The following PPP1R13B variants were observed in gnomAD, a reference collection of about 807,000 sequenced individuals.
PPP1R13B encodes protein phosphatase 1 regulatory subunit 13B.
A neutral mutation model predicts 119.8 loss-of-function variants in PPP1R13B; 44 were observed. That is an observed-to-expected ratio of 0.37 (90% CI 0.29 to 0.47). The LOEUF (loss-of-function observed/expected upper bound fraction) is 0.47, where lower values mean the gene tolerates loss of function less well. Ranked by LOEUF, PPP1R13B falls within the 20% of genes least tolerant of loss-of-function variation. The pLI is 0.99. For synonymous variants in PPP1R13B, 542 were observed against 561.5 expected, an observed-to-expected ratio of 0.97 and a Z score of 0.49; for missense variants, 1,227 against 1,413.5, an observed-to-expected ratio of 0.87 and a Z score of 2.12.
chr14:103,814,870 G>A (rs991864314), intron 1 of PPP1R13B, among the ~76,000 whole-genome samples: 5 of 151,982 alleles, frequency 3.3e-5, no homozygotes, highest in African/African-American at 7.2e-5. Flanking sequence ...GTGTGAACCC[G>A]GGAGGTGGAG....
chr14:103,795,371 C>T (rs1290059954), intron 2 of PPP1R13B, among the ~76,000 whole-genome samples: 1 of 152,156 alleles, frequency 6.6e-6, no homozygotes, highest in Admixed American at 6.6e-5. Context: ...TTCTAGACAA[C>T]GAAGGAGCAT....
chr14:103,821,512 G>A (rs2086406758), intron 1 of PPP1R13B, among the ~76,000 whole-genome samples: 1 of 152,196 alleles, frequency 6.6e-6, no homozygotes, highest in Admixed American at 6.5e-5. Flanking sequence ...AGCACTTTGG[G>A]AGGCTGAGGT....
At chr14:103,761,688 AGGAGGC>A (rs2084809638) in intron 4 of PPP1R13B, among the ~76,000 whole-genome samples, 1 of 151,548 alleles carries the variant, frequency 6.6e-6, no homozygotes, top group African/African-American at 2.4e-5. Context: ...GCTTGAACCC[AGGAGGC>A]GGAAGTTGCA....
chr14:103,750,075 T>C (rs1363502656), intron 7 of PPP1R13B, 141 bp from the exon 8 acceptor site: 3 of 869,626 alleles, frequency 3.4e-6, no homozygotes, highest in South Asian at 1.7e-5. Flanking sequence ...GTGTGGAATA[T>C]TTCACAGGTA....
Position 103,806,561 on chromosome 14 carries a change from T to A in PPP1R13B, c.10-9043A>T, listed in dbSNP as rs145882129. On this transcript the variant is annotated intron_variant, in intron 1 of 16. Transcript: ENST00000202556. ...CAGGCCACGCACCCCAAAATGAGAA[T>A]TGATGCTAAGGTCCCTTCTGGCCCT... Among the ~76,000 whole-genome samples the A allele has an allele frequency of 9.7e-4, 148 of 152,250 alleles. 3 individuals are homozygous for A. The East Asian group carries it at 0.021, about 22-fold the overall frequency.
Position 103,735,149 on chromosome 14 carries a change from G to T in PPP1R13B, c.*5C>A. ...GCAAGACCATGCGGTGCTCCAAAAG[G>T]AAGTTCAGGCGAGTGTTCGCTGTCG... is the stretch of plus-strand genomic sequence containing the variant. On this transcript the variant is annotated 3_prime_UTR_variant, in exon 17 of 17. Coordinates refer to ENST00000202556, the MANE Select transcript of PPP1R13B (RefSeq NM_015316.3). 1 of 1,614,168 alleles carries T rather than the reference G, an allele frequency of 6.2e-7. No individual in the cohort carries two copies. The highest frequency in any genetic ancestry group is 8.5e-7 in the Non-Finnish European group (1 of 1,180,008).
In PPP1R13B at chr14:103,753,136, G is replaced by A; in HGVS notation, c.692C>T (p.Ala231Val). ...ACTAAGCTGATCAACCCTTAAAATTGCAGTCTGTACTTCCTGCTTCTTTTC... is the reference window on the plus strand; with the variant it reads ...ACTAAGCTGATCAACCCTTAAAATTACAGTCTGTACTTCCTGCTTCTTTTC... Reference protein sequence around the residue: ...FQEKKQEVQTAILRVDQLSQQ... With the variant: ...FQEKKQEVQTVILRVDQLSQQ... The change falls in exon 7 of 17, where the codon GCA becomes GTA. Residue 231 changes from alanine to valine, a missense_variant. Coordinates refer to ENST00000202556, the MANE Select transcript of PPP1R13B (RefSeq NM_015316.3). 4 of 1,613,518 alleles carry A rather than the reference G, an allele frequency of 2.5e-6. No individual in the cohort carries two copies. Among genetic ancestry groups the A allele is most frequent in the Non-Finnish European group, 3.4e-6 (4 of 1,180,022 alleles).
At chr14:103,840,206 T>A (rs2086870844) in intron 1 of PPP1R13B, 1 of 152,206 alleles carries the variant, frequency 6.6e-6, no homozygotes, top group Non-Finnish European at 1.5e-5. Context: ...AACCACAGTT[T>A]GTGAAATAAC....
At chr14:103,800,099 T>C (rs2085863144) in intron 1 of PPP1R13B, among the ~76,000 whole-genome samples, 2 of 152,024 alleles carry the variant, frequency 1.3e-5, no homozygotes, top group African/African-American at 4.8e-5. Flanking sequence ...AAGTAAAATT[T>C]AAACCAAAGA....
chr14:103,835,604 T>A (rs1567161581), intron 1 of PPP1R13B, among the ~76,000 whole-genome samples: 1 of 134,928 alleles, frequency 7.4e-6, no homozygotes, highest in Non-Finnish European at 1.6e-5. Context: ...TAATTTTTAT[T>A]TTTATTTATT....
chr14:103,782,930 G>A (rs188873847), intron 3 of PPP1R13B, among the ~76,000 whole-genome samples: 3 of 151,720 alleles, frequency 2.0e-5, no homozygotes, highest in Non-Finnish European at 2.9e-5. Context: ...TCGGCCCCCC[G>A]AGTAGCTGGG....
chr14:103,766,773 A>T lies in PPP1R13B; in HGVS notation c.355-9022T>A, dbSNP rs367971135. Among the ~76,000 whole-genome samples the T allele has an allele frequency of 1.3e-4, 20 of 152,128 alleles. No individual in the cohort carries two copies. The East Asian group carries it at 3.3e-3, about 25-fold the overall frequency. On this transcript the variant is annotated intron_variant, in intron 4 of 16. Transcript: ENST00000202556. ...CAAGTGCGTGCCATCACGCCCAGCT[A>T]ATTTTTGTATTTTTAGTAGAGATGG...
In PPP1R13B at chr14:103,847,283, G is replaced by A; in HGVS notation, c.9+16C>T. On this transcript the variant is annotated intron_variant, in intron 1 of 16. Transcript: ENST00000202556. ...GCGGAGGAAGCCGCCGCCACCTCCC[G>A]CCCGCCCTCACCCACCGGCATCATC... The A allele has an allele frequency of 2.3e-6, 1 of 436,290 alleles. No homozygotes were observed. The highest frequency in any genetic ancestry group is 3.6e-6 in the Non-Finnish European group (1 of 277,052). The allele number at this position is 436,290 out of a possible 1,614,324, so 27.0% of individuals were successfully genotyped here. A position where few individuals can be genotyped will look rare whatever the true frequency, so the allele number is the denominator to read the frequency against.
intron 2 of PPP1R13B, among the ~76,000 whole-genome samples, chr14:103,795,639 G>A (rs539927398): frequency 6.6e-6 from 1 of 151,982 alleles, no homozygotes; most frequent in East Asian, 1.9e-4. Context: ...ACAAGTAACA[G>A]AGAACAAAAG....
At chr14:103,793,362 T>C (rs1462853612) in intron 2 of PPP1R13B, among the ~76,000 whole-genome samples, 1 of 152,116 alleles carries the variant, frequency 6.6e-6, no homozygotes, top group Non-Finnish European at 1.5e-5. Context: ...TTTCTCATGA[T>C]AGTGAGTGAG....
upstream of PPP1R13B, chr14:103,848,580 T>C: frequency 1.2e-6 from 1 of 810,686 alleles, no homozygotes; most frequent in Non-Finnish European, 1.5e-6. Flanking sequence ...GAAGGCAAGG[T>C]CTGCGGATGG....
At chr14:103,781,919 T>C (rs557297775) in intron 3 of PPP1R13B, among the ~76,000 whole-genome samples, 231 of 152,336 alleles carry the variant, frequency 1.5e-3, no homozygotes, top group African/African-American at 5.4e-3. Context: ...CCCACAGTGC[T>C]GGGATTACAG....
intron 1 of PPP1R13B, among the ~76,000 whole-genome samples, chr14:103,838,311 T>A (rs1392189695): frequency 6.6e-6 from 1 of 151,988 alleles, no homozygotes; most frequent in Non-Finnish European, 1.5e-5. Context: ...CAACAAATAT[T>A]TATTTAGCAC....
chr14:103,778,646 TCCTCCCACCTTGG>T, intron 4 of PPP1R13B, 86 bp downstream of exon 4: 1 of 897,540 alleles, frequency 1.1e-6, no homozygotes, highest in South Asian at 1.4e-5. Context: ...CCTCATGTGA[TCCTCCCACCTTGG>T]CCTCCCAAAG....
Sources: gnomAD v4.1 joint callset for allele counts (sites outside exome capture counted in the v4.1 genomes callset) on GRCh38, gnomAD v4.1.1 for gene constraint, MANE v1.5 for transcripts, NCBI Gene and HGNC (gene_info 2026-07-23, HGNC 2026-07-21) for gene names.